Variants in CYP2C19 observed in about 807,000 individuals in gnomAD.
The protein encoded by CYP2C19 is cytochrome P450 family 2 subfamily C member 19.
In CYP2C19, 59 loss-of-function variants were observed where a neutral mutation model predicts 40.9. The ratio of observed to expected loss-of-function variants is 1.44; its 90% CI spans 1.17 to 1.79. The LOEUF (loss-of-function observed/expected upper bound fraction) is 1.79, where lower values mean the gene tolerates loss of function less well. Among genes scored for constraint, CYP2C19 ranks in the 40% most tolerant of loss-of-function variants. CYP2C19 has a pLI of 0.00. For missense variants in CYP2C19, 754 were observed against 596.9 expected, an observed-to-expected ratio of 1.26 and a Z score of -2.74; for synonymous variants, 253 against 208.7, an observed-to-expected ratio of 1.21 and a Z score of -1.83.
rs1451256859 is a variant in CYP2C19 at position 94,796,080 on chromosome 10, A to G, written c.819+14083A>G. ...AGATGTGAAGTCCTTGCCCATGCCA[A>G]TGTCCTGAATGGTATTGCCTAGGTT... is the stretch of plus-strand genomic sequence containing the variant. On this transcript the variant is annotated intron_variant, in intron 5 of 8. Transcript: ENST00000371321. 2.0e-5 allele frequency among the ~76,000 whole-genome samples: 3 copies of G among 152,246 alleles called. No homozygotes were observed. In the South Asian group the frequency reaches 6.2e-4, roughly 32 times the overall value.
intron 6 of CYP2C19, among the ~76,000 whole-genome samples, chr10:94,836,428 C>T (rs1014627862): frequency 9.8e-5 from 15 of 152,306 alleles, no homozygotes; most frequent in Admixed American, 6.5e-5. Flanking sequence ...AAAAGTCTTG[C>T]CCTGTTGGCA....
At chr10:94,826,851 G>T (rs1849233547) in intron 6 of CYP2C19, among the ~76,000 whole-genome samples, 1 of 152,100 alleles carries the variant, frequency 6.6e-6, no homozygotes, top group African/African-American at 2.4e-5. Flanking sequence ...CTAATTTATT[G>T]AGAGTTTTTA....
intron 6 of CYP2C19, among the ~76,000 whole-genome samples, chr10:94,840,834 T>C (rs1365441620): frequency 1.3e-5 from 2 of 152,162 alleles, no homozygotes; most frequent in Non-Finnish European, 2.9e-5. Flanking sequence ...TAGAAAGCCC[T>C]TCCCCAGATA....
intron 7 of CYP2C19, among the ~76,000 whole-genome samples, chr10:94,843,611 T>G (rs943908367): frequency 8.5e-5 from 13 of 152,240 alleles, no homozygotes; most frequent in Non-Finnish European, 1.6e-4. Flanking sequence ...TCTGATGACC[T>G]TAATCTATCA....
chr10:94,823,157 G>T (rs75280500), intron 6 of CYP2C19, among the ~76,000 whole-genome samples: 2 of 152,096 alleles, frequency 1.3e-5, no homozygotes, highest in African/African-American at 2.4e-5. Context: ...TGTCCCTTAA[G>T]TCCCCTCAAT....
At chr10:94,813,877 C>A (rs917231481) in intron 5 of CYP2C19, among the ~76,000 whole-genome samples, 1 of 151,536 alleles carries the variant, frequency 6.6e-6, no homozygotes, top group Non-Finnish European at 1.5e-5. Flanking sequence ...CAGATGACCA[C>A]CCAGTTTTGT....
intron 5 of CYP2C19, among the ~76,000 whole-genome samples, chr10:94,793,901 G>A (rs890544601): frequency 6.6e-6 from 1 of 152,150 alleles, no homozygotes; most frequent in African/African-American, 2.4e-5. Flanking sequence ...AGATAGGGAC[G>A]TTTAAGTCTG....
At chr10:94,835,532 C>T (rs1057484491) in intron 6 of CYP2C19, among the ~76,000 whole-genome samples, 1 of 152,102 alleles carries the variant, frequency 6.6e-6, no homozygotes, top group Non-Finnish European at 1.5e-5. Flanking sequence ...GAGGGTTCTG[C>T]CTTGCAGCTC....
intron 5 of CYP2C19, among the ~76,000 whole-genome samples, chr10:94,801,064 C>G (rs1055911084): frequency 6.6e-6 from 1 of 152,154 alleles, no homozygotes; most frequent in African/African-American, 2.4e-5. Context: ...AACAAGGTAC[C>G]GCAGTTGGAA....
chr10:94,848,476 T>A (rs1254854227), intron 7 of CYP2C19, among the ~76,000 whole-genome samples: 3 of 152,228 alleles, frequency 2.0e-5, no homozygotes, highest in Non-Finnish European at 2.9e-5. Flanking sequence ...TTTTGGTTAC[T>A]GTAGCCTTGT....
rs113926060 is a variant in CYP2C19 at position 94,795,173 on chromosome 10, G to A, written c.819+13176G>A. ...TCCCCCCACCCCCACCCCACGACAGGCCCCAGTGTGTGATATTCTCCTTCC... is the reference window on the plus strand; with the variant it reads ...TCCCCCCACCCCCACCCCACGACAGACCCCAGTGTGTGATATTCTCCTTCC... On this transcript the variant is annotated intron_variant, in intron 5 of 8. Coordinates refer to ENST00000371321, the MANE Select transcript of CYP2C19 (RefSeq NM_000769.4). Among the ~76,000 whole-genome samples, 424 of 113,446 alleles carry A rather than the reference G, an allele frequency of 3.7e-3. 2 individuals carry two copies. Among genetic ancestry groups the A allele is most frequent in the African/African-American group, 0.014 (405 of 28,080 alleles). 74.4% of individuals were successfully genotyped at this position (113,446 alleles called of 152,430 possible).
intron 6 of CYP2C19, among the ~76,000 whole-genome samples, chr10:94,824,745 CA>C (rs1167191413): frequency 6.6e-6 from 1 of 151,724 alleles, no homozygotes; most frequent in Non-Finnish European, 1.5e-5. Context: ...CATGCTGGTG[CA>C]CGGCACCCAC....
At chr10:94,786,025 C>G (rs1314717430) in intron 5 of CYP2C19, among the ~76,000 whole-genome samples, 2 of 152,096 alleles carry the variant, frequency 1.3e-5, no homozygotes, top group Non-Finnish European at 2.9e-5. Flanking sequence ...CCTATAAAAT[C>G]TGCTGTGGTC....
chr10:94,820,421 G>C, intron 5 of CYP2C19, 75 bp from the exon 6 acceptor site: 2 of 1,513,782 alleles, frequency 1.3e-6, no homozygotes, highest in South Asian at 1.1e-5. Context: ...TATACAATGT[G>C]AGTAATTTTG....
Position 94,791,955 on chromosome 10 carries a change from C to T in CYP2C19, c.819+9958C>T, listed in dbSNP as rs1043466584. 7.9e-5 allele frequency among the ~76,000 whole-genome samples: 12 copies of T among 152,202 alleles called. 1 individual carries two copies. The East Asian group carries it at 2.3e-3, about 29-fold the overall frequency. ...TCTGTCTCGATCTGTCAAATGTTGA[C>T]AGTGGGGTGTTAAAGCCTCCCATTA... On this transcript the variant is annotated intron_variant, in intron 5 of 8. Coordinates refer to ENST00000371321, the MANE Select transcript of CYP2C19 (RefSeq NM_000769.4).
chr10:94,833,126 A>T (rs773139104), intron 6 of CYP2C19, among the ~76,000 whole-genome samples: 3 of 152,226 alleles, frequency 2.0e-5, no homozygotes, highest in Non-Finnish European at 4.4e-5. Flanking sequence ...TCAACTTTAC[A>T]GAATTTGTTC....
At chr10:94,788,482 G>T (rs575086122) in intron 5 of CYP2C19, among the ~76,000 whole-genome samples, 1 of 152,180 alleles carries the variant, frequency 6.6e-6, no homozygotes, top group African/African-American at 2.4e-5. Context: ...GCACCATGGT[G>T]GTTTGCTGCA....
At chr10:94,777,444 C>T (rs1307905068) in intron 3 of CYP2C19, among the ~76,000 whole-genome samples, 1 of 152,008 alleles carries the variant, frequency 6.6e-6, no homozygotes, top group Non-Finnish European at 1.5e-5. Context: ...GTACTGATAC[C>T]AAAACAGATA....
In CYP2C19 at chr10:94,842,950, A is replaced by G. The variant is rs773507162; in HGVS notation, c.1075A>G (p.Ile359Val). ...TGTGGTGCACGAGGTCCAGAGATAC[A>G]TCGACCTCATCCCCACCAGCCTGCC... ...DAVVHEVQRY[I>V]DLIPTSLPHA... The change falls in exon 7 of 9, where the codon ATC becomes GTC. Residue 359 changes from isoleucine to valine, a missense_variant. Physicochemically the swap from Ile to Val is conservative, Grantham distance 29. Coordinates refer to ENST00000371321, the MANE Select transcript of CYP2C19 (RefSeq NM_000769.4). 2.3e-5 allele frequency: 37 copies of G among 1,614,088 alleles called. No individual in the cohort carries two copies. The highest frequency in any genetic ancestry group is 3.1e-5 in the Non-Finnish European group (37 of 1,180,042).
Sources: gnomAD v4.1 joint callset for allele counts (sites outside exome capture counted in the v4.1 genomes callset) on GRCh38, gnomAD v4.1.1 for gene constraint, MANE v1.5 for transcripts, NCBI Gene and HGNC (gene_info 2026-07-23, HGNC 2026-07-21) for gene names.